Variants in HEXB observed in about 807,000 individuals in gnomAD.
HEXB encodes the protein beta-hexosaminidase subunit beta.
HEXB carries 51 observed loss-of-function variants against 71.2 expected under a neutral mutation model. The observed-to-expected ratio is 0.72, with a 90% CI of 0.57 to 0.90. The LOEUF (loss-of-function observed/expected upper bound fraction) is 0.90, where lower values mean the gene tolerates loss of function less well. HEXB is among the 40% of genes least tolerant of loss of function. HEXB has a pLI of 0.00. For synonymous variants in HEXB, 266 were observed against 249.3 expected, an observed-to-expected ratio of 1.07 and a Z score of -0.63; for missense variants, 617 against 677.0, an observed-to-expected ratio of 0.91 and a Z score of 0.98.
chr5:74,646,961 A>G (rs566531798), intron 1 of HEXB, among the ~76,000 whole-genome samples: 58 of 152,342 alleles, frequency 3.8e-4, no homozygotes, highest in Admixed American at 9.1e-4. Context: ...AGAAATAGCT[A>G]GCTATATTTA....
At chr5:74,665,756 G>A (rs1223970309) in intron 1 of HEXB, among the ~76,000 whole-genome samples, 1 of 152,122 alleles carries the variant, frequency 6.6e-6, no homozygotes, top group Non-Finnish European at 1.5e-5. Context: ...TTTATATACC[G>A]AATTCTTTTT....
rs532526141 is a variant in HEXB, at chr5:74,691,782, T to C, written c.446-1857T>C. ...TATTATATTGCTTTTAAACAGAATATATAGATATGTCATTTGTATATTCAC... is the reference window on the plus strand; with the variant it reads ...TATTATATTGCTTTTAAACAGAATACATAGATATGTCATTTGTATATTCAC... On this transcript the variant is annotated intron_variant, in intron 2 of 13. Transcript: ENST00000261416. 9.2e-5 allele frequency among the ~76,000 whole-genome samples: 14 copies of C among 152,304 alleles called. 1 individual carries two copies. In the East Asian group the frequency reaches 1.9e-3, roughly 21 times the overall value.
At position 74,704,287 on chromosome 5, in the gene HEXB, C is replaced by G. The variant is rs1749329013; in HGVS notation, c.670-932C>G. Among the ~76,000 whole-genome samples the G allele has an allele frequency of 2.0e-5, 3 of 152,306 alleles. No individual in the cohort carries two copies. The South Asian group carries it at 6.2e-4, about 32-fold the overall frequency. On this transcript the variant is annotated intron_variant, in intron 5 of 13. Transcript: ENST00000261416. ...CTTGTATGTAAAAGATGTCCTAACT[C>G]CATCAGCCAAATCCCTTCAGCCTTG...
At chr5:74,677,487 C>CTTTTTTTTTTTTTTTT (rs1561210601) in intron 1 of HEXB, among the ~76,000 whole-genome samples, 1 of 129,970 alleles carries the variant, frequency 7.7e-6, no homozygotes, top group African/African-American at 2.9e-5. Context: ...TTTTCTTCTT[C>CTTTTTTTTTTTTTTTT]TTCTTTTTTT....
chr5:74,650,792 G>T lies in HEXB; in HGVS notation c.-377+10234G>T, dbSNP rs1185793704. On this transcript the variant is annotated intron_variant, in intron 1 of 13. Coordinates refer to the HEXB transcript ENST00000511181. ...AAAAAAAAAATTAGCTGGGCGTGGT[G>T]GTGGGCACCTGTAGTCCCAGCTACT... 3.9e-5 allele frequency among the ~76,000 whole-genome samples: 6 copies of T among 151,918 alleles called. 1 individual carries two copies. In the South Asian group the frequency reaches 1.0e-3, roughly 26 times the overall value.
In HEXB at chr5:74,721,280, T is replaced by C. The variant is rs777009900; in HGVS notation, c.*105T>C. The C allele has an allele frequency of 1.2e-5, 12 of 965,886 alleles. No individual in the cohort carries two copies. The highest frequency in any genetic ancestry group is 5.2e-5 in the East Asian group (2 of 38,412). 59.8% of individuals were successfully genotyped at this position (965,886 alleles called of 1,614,324 possible). ...CTGTTTTTTGAATAAAATATTTTTATTGATTGAACCTTTGACCCTCTATCT... is the reference window on the plus strand; with the variant it reads ...CTGTTTTTTGAATAAAATATTTTTACTGATTGAACCTTTGACCCTCTATCT... On this transcript the variant is annotated 3_prime_UTR_variant, in exon 14 of 14. Coordinates refer to ENST00000261416, the MANE Select transcript of HEXB (RefSeq NM_000521.4).
At chr5:74,668,237 T>TGTGTGTG (rs1273082609) in intron 1 of HEXB, among the ~76,000 whole-genome samples, 2 of 93,780 alleles carry the variant, frequency 2.1e-5, no homozygotes, top group African/African-American at 7.8e-5. Context: ...TGTTTGTGTG[T>TGTGTGTG]GTGTGTGTGT....
chr5:74,709,118 A>G (rs1272866512), intron 6 of HEXB, among the ~76,000 whole-genome samples: 1 of 152,264 alleles, frequency 6.6e-6, no homozygotes, highest in African/African-American at 2.4e-5. Flanking sequence ...CAATCAAGCT[A>G]GAACTCAGGA....
intron 2 of HEXB, among the ~76,000 whole-genome samples, chr5:74,690,808 T>C (rs563556368): frequency 1.3e-5 from 2 of 151,444 alleles, no homozygotes; most frequent in Admixed American, 1.3e-4. Context: ...TTCTCAATAA[T>C]ACATCTCTTT....
intron 1 of HEXB, among the ~76,000 whole-genome samples, chr5:74,645,634 T>C (rs1309375117): frequency 6.6e-6 from 1 of 152,184 alleles, no homozygotes; most frequent in East Asian, 1.9e-4. Context: ...TATTGGCTGC[T>C]TACAGGACTG....
At chr5:74,682,324 C>T (rs1748754113), upstream of HEXB, among the ~76,000 whole-genome samples, 1 of 152,198 alleles carries the variant, frequency 6.6e-6, no homozygotes, top group Admixed American at 6.5e-5. Flanking sequence ...CTCCACTGCG[C>T]CCCAGCCTGG....
rs988798379 is a variant in HEXB, at chr5:74,652,520, G to A, written c.-377+11962G>A. Among the ~76,000 whole-genome samples, 2 of 152,146 alleles carry A rather than the reference G, an allele frequency of 1.3e-5. No individual in the cohort carries two copies. Among genetic ancestry groups the A allele is most frequent in the African/African-American group, 2.4e-5 (1 of 41,416 alleles). On this transcript the variant is annotated intron_variant, in intron 1 of 13. Transcript: ENST00000511181. The surrounding 1 kb of genome is among the most constrained non-coding windows in gnomAD (Gnocchi z 5.4). ...TACATTCAAAAGAGTCCTCATAGTT[G>A]GGTATAGTTAGGACAAACAGACCAT...
intron 1 of HEXB, among the ~76,000 whole-genome samples, chr5:74,646,028 G>C (rs947795336): frequency 6.6e-6 from 1 of 150,832 alleles, no homozygotes; most frequent in African/African-American, 2.4e-5. Flanking sequence ...TTTATATTTA[G>C]TAGCTGGGTG....
chr5:74,685,652 G>T (rs1748851020), intron 1 of HEXB, 93 bp downstream of exon 1: 1 of 1,207,128 alleles, frequency 8.3e-7, no homozygotes, highest in South Asian at 1.5e-5. Context: ...ACCCCACTGC[G>T]CAGACGAGAA....
chr5:74,676,483 A>G (rs1462589825), intron 1 of HEXB, among the ~76,000 whole-genome samples: 1 of 152,156 alleles, frequency 6.6e-6, no homozygotes, highest in African/African-American at 2.4e-5. Flanking sequence ...AAGGGCAAGA[A>G]GGGGCTGGGT....
In HEXB at chr5:74,718,559, C is replaced by T. The variant is rs565852607; in HGVS notation, c.1242+196C>T. On this transcript the variant is annotated intron_variant, in intron 10 of 13. Transcript: ENST00000261416. ...AAGTCTCAGCTTTAGTTAACTGAAC[C>T]TATGTGGTATCCATATATAAGCAAA... is the stretch of plus-strand genomic sequence containing the variant. Among the ~76,000 whole-genome samples the T allele has an allele frequency of 8.5e-4, 130 of 152,232 alleles. 1 individual carries two copies. The highest frequency in any genetic ancestry group is 3.0e-3 in the African/African-American group (125 of 41,530).
At chr5:74,649,215 T>TA (rs1748058698) in intron 1 of HEXB, among the ~76,000 whole-genome samples, 1 of 152,162 alleles carries the variant, frequency 6.6e-6, no homozygotes, top group South Asian at 2.1e-4. Context: ...TTAGACTGGC[T>TA]AGCAGAGGGC....
chr5:74,720,851 A>C, intron 13 of HEXB, 104 bp downstream of exon 13: 1 of 957,320 alleles, frequency 1.0e-6, no homozygotes, highest in Non-Finnish European at 1.7e-6. Flanking sequence ...TAGTAATTAG[A>C]AGAAACCAGG....
At position 74,641,501 on chromosome 5, in the gene HEXB, G is replaced by C. The variant is rs1330578503; in HGVS notation, c.-377+943G>C. 1 of 152,338 alleles carries C rather than the reference G, an allele frequency of 6.6e-6. No individual in the cohort carries two copies. Among genetic ancestry groups the C allele is most frequent in the Non-Finnish European group, 1.5e-5 (1 of 68,150 alleles). The allele number at this position is 152,338 out of a possible 1,614,324, so 9.4% of individuals were successfully genotyped here. The stretch of plus-strand genomic sequence containing the variant: ...CGCACCACGTGCTTTTCAGCCAATC[G>C]CCGCGGCCGCTTGATTCAAAGTGAA... On this transcript the variant is annotated intron_variant, in intron 1 of 13. Coordinates refer to the HEXB transcript ENST00000511181. This position sits in a 1 kb window ranked among gnomAD's most constrained non-coding sequence, Gnocchi z 4.1.
Sources: gnomAD v4.1 joint callset for allele counts (sites outside exome capture counted in the v4.1 genomes callset) on GRCh38, gnomAD v4.1.1 for gene constraint, Gnocchi (gnomAD v3.1) non-coding constraint, MANE v1.5 for transcripts, NCBI Gene and HGNC (gene_info 2026-07-23, HGNC 2026-07-21) for gene names.